The following FAM167A variants were observed in gnomAD, a reference collection of about 807,000 sequenced individuals.
FAM167A encodes the protein protein FAM167A.
A neutral mutation model predicts 14.9 loss-of-function variants in FAM167A; 23 were observed. The observed-to-expected ratio is 1.55, with a 90% CI of 1.11 to 2.19. The LOEUF is 2.19. Ranked by LOEUF, FAM167A falls within the 30% of genes most tolerant of loss-of-function variation. The probability of loss-of-function intolerance (pLI) is 0.00; values close to 1 mark genes in which losing one functional copy is unlikely to be tolerated. For missense variants in FAM167A, 401 were observed against 281.5 expected (o/e 1.42, Z -3.04); for synonymous variants, 174 against 117.7 (o/e 1.48, Z -3.10).
intron 1 of FAM167A, among the ~76,000 whole-genome samples, chr8:11,460,305 G>A (rs1807488897): frequency 6.6e-6 from 1 of 152,202 alleles, no homozygotes; most frequent in Non-Finnish European, 1.5e-5. Flanking sequence ...AGCCTGGTGT[G>A]GAAGAGAAAA....
intron 2 of FAM167A, among the ~76,000 whole-genome samples, chr8:11,434,516 C>T (rs1053005558): frequency 1.2e-4 from 19 of 152,158 alleles, no homozygotes; most frequent in African/African-American, 4.3e-4. Context: ...GAGACGACAG[C>T]CCCAGAGCCA....
At position 11,444,438 on chromosome 8, in the gene FAM167A, A is replaced by C; in HGVS notation, c.-27T>G. 1 of 1,512,296 alleles carries C rather than the reference A, an allele frequency of 6.6e-7. No homozygotes were observed. Among genetic ancestry groups the C allele is most frequent in the Non-Finnish European group, 8.8e-7 (1 of 1,130,478 alleles). The allele number at this position is 1,512,296 out of a possible 1,614,324, so 93.7% of individuals were successfully genotyped here. A position where few individuals can be genotyped will look rare whatever the true frequency, so the allele number is the denominator to read the frequency against. ...CTACAGTCTGCCCTGGCAGCCGGACATGCGAGGGCACGGGGGGCGCAGGGG... is the reference window on the plus strand; with the variant it reads ...CTACAGTCTGCCCTGGCAGCCGGACCTGCGAGGGCACGGGGGGCGCAGGGG... On this transcript the variant is annotated 5_prime_UTR_variant, in exon 2 of 3. It removes an upstream start codon present in the reference 5' UTR. Coordinates refer to ENST00000284486, the MANE Select transcript of FAM167A (RefSeq NM_053279.3).
chr8:11,456,740 G>A (rs185864707), intron 1 of FAM167A, among the ~76,000 whole-genome samples: 7 of 151,536 alleles, frequency 4.6e-5, no homozygotes, highest in East Asian at 3.9e-4. Flanking sequence ...AGACATGGGC[G>A]GGGCTGGGTG....
intron 2 of FAM167A, among the ~76,000 whole-genome samples, chr8:11,426,819 C>T (rs1805201121): frequency 6.6e-6 from 1 of 152,144 alleles, no homozygotes; most frequent in Non-Finnish European, 1.5e-5. Flanking sequence ...TCACTTGTGT[C>T]TTAGTCTGGC....
intron 1 of FAM167A, among the ~76,000 whole-genome samples, chr8:11,456,209 CTGTG>C (rs1402447981): frequency 0.03 from 2 of 66 alleles, no homozygotes; most frequent in Admixed American, 0.17. Flanking sequence ...GGTTGCCTTG[CTGTG>C]TGAGTGTGAG....
At chr8:11,461,168 GA>G (rs1277328847) in intron 1 of FAM167A, among the ~76,000 whole-genome samples, 1 of 152,230 alleles carries the variant, frequency 6.6e-6, no homozygotes, top group Non-Finnish European at 1.5e-5. Flanking sequence ...ACTGCAGGGA[GA>G]GGGGCTCTTG....
chr8:11,467,094 G>T (rs1807803776), upstream of FAM167A, among the ~76,000 whole-genome samples: 1 of 152,216 alleles, frequency 6.6e-6, no homozygotes, highest in South Asian at 2.1e-4. Flanking sequence ...AGGGCGCAGG[G>T]GGACCCCACG....
At chr8:11,459,455 G>T (rs1186406069) in intron 1 of FAM167A, among the ~76,000 whole-genome samples, 1 of 152,240 alleles carries the variant, frequency 6.6e-6, no homozygotes, top group East Asian at 1.9e-4. Context: ...CCAAGGCAAT[G>T]CTTTGTTTTT....
At chr8:11,445,690 TAAG>T in intron 1 of FAM167A, 1 of 888,324 alleles carries the variant, frequency 1.1e-6, no homozygotes, top group Non-Finnish European at 1.3e-6. Context: ...TAACTCCCAG[TAAG>T]AAGAGACCGC....
intron 1 of FAM167A, among the ~76,000 whole-genome samples, chr8:11,457,835 G>A (rs1190960673): frequency 6.6e-6 from 1 of 152,166 alleles, no homozygotes; most frequent in Non-Finnish European, 1.5e-5. Context: ...GAATTCTCCA[G>A]TCACTTGCTT....
chr8:11,457,183 G>C (rs1406523593), intron 1 of FAM167A, among the ~76,000 whole-genome samples: 2 of 151,712 alleles, frequency 1.3e-5, no homozygotes, highest in Non-Finnish European at 2.9e-5. Flanking sequence ...GCGCTCCTGG[G>C]GTTTTCTCCA....
intron 2 of FAM167A, among the ~76,000 whole-genome samples, chr8:11,443,071 G>A (rs1172306491): frequency 6.6e-6 from 1 of 152,230 alleles, no homozygotes; most frequent in Non-Finnish European, 1.5e-5. Context: ...TGCCCTTGAT[G>A]GCTGGCTCAC....
At chr8:11,465,945 G>A (rs1260599754) in intron 1 of FAM167A, among the ~76,000 whole-genome samples, 1 of 152,030 alleles carries the variant, frequency 6.6e-6, no homozygotes, top group Non-Finnish European at 1.5e-5. Context: ...GCCCCGCCGG[G>A]AATAAAAACC....
chr8:11,474,022 C>T (rs1410913633), intron 1 of FAM167A, among the ~76,000 whole-genome samples: 4 of 151,976 alleles, frequency 2.6e-5, no homozygotes, highest in Non-Finnish European at 4.4e-5. Flanking sequence ...TACAGGCATG[C>T]GCCACCATGC....
intron 1 of FAM167A, among the ~76,000 whole-genome samples, chr8:11,454,256 G>A (rs577823285): frequency 2.0e-4 from 30 of 152,198 alleles, no homozygotes; most frequent in Non-Finnish European, 3.8e-4. Context: ...TGTGCAAAGC[G>A]CTCTGTTTCC....
chr8:11,439,313 G>A (rs1346226447), intron 2 of FAM167A, among the ~76,000 whole-genome samples: 1 of 152,252 alleles, frequency 6.6e-6, no homozygotes, highest in African/African-American at 2.4e-5. Flanking sequence ...CTTCCCGTCG[G>A]AAGACACTGG....
intron 1 of FAM167A, among the ~76,000 whole-genome samples, chr8:11,463,703 G>C (rs1807631370): frequency 6.6e-6 from 1 of 152,230 alleles, no homozygotes; most frequent in East Asian, 1.9e-4. Context: ...TTTGGATCAG[G>C]ATGCCCTGGA....
chr8:11,455,932 GTGTGCGTGAATGTGGGGTGGTTGCCTTGC>G (rs1807253052), intron 1 of FAM167A, among the ~76,000 whole-genome samples: 1 of 146,812 alleles, frequency 6.8e-6, no homozygotes, highest in Non-Finnish European at 1.5e-5. Flanking sequence ...GCCCTGCTGG[GTGTGCGTGAATGTGGGGTGGTTGCCTTGC>G]TGTGAGTGAG....
upstream of FAM167A, among the ~76,000 whole-genome samples, chr8:11,468,854 C>A (rs950917598): frequency 6.6e-6 from 1 of 152,222 alleles, no homozygotes; most frequent in African/African-American, 2.4e-5. Context: ...AGGGTGGTGT[C>A]TTGCCCTGTG....
Sources: allele counts gnomAD v4.1 joint callset (sites outside exome capture counted in the v4.1 genomes callset), GRCh38; gene constraint gnomAD v4.1.1; transcripts MANE v1.5; gene names NCBI Gene and HGNC (gene_info 2026-07-23, HGNC 2026-07-21).